RBBP4: variants seen among roughly 807,000 people sequenced by gnomAD.
RBBP4 encodes RB binding protein 4, chromatin remodeling factor.
In RBBP4, 3 loss-of-function variants were observed where a neutral mutation model predicts 57.2. The observed-to-expected ratio is 0.05, with a 90% CI of 0.02 to 0.14. The LOEUF (loss-of-function observed/expected upper bound fraction) is 0.14, where lower values mean the gene tolerates loss of function less well. Among genes scored for constraint, RBBP4 ranks in the 10% least tolerant of loss-of-function variants. The pLI is 1.00. For synonymous variants in RBBP4, 151 were observed against 171.5 expected (o/e 0.88, Z 0.93); for missense variants, 107 against 520.6 (o/e 0.21, Z 7.73).
At chr1:32,675,800 A>T (rs1321197002) in intron 11 of RBBP4, among the ~76,000 whole-genome samples, 1 of 152,030 alleles carries the variant, frequency 6.6e-6, no homozygotes, top group African/African-American at 2.4e-5. Flanking sequence ...TTTAAAAAGT[A>T]TGATTAGGGG....
chr1:32,655,070 G>A (rs1398783298), intron 2 of RBBP4, among the ~76,000 whole-genome samples: 1 of 152,112 alleles, frequency 6.6e-6, no homozygotes, highest in East Asian at 1.9e-4. Context: ...GTTCCCTGCA[G>A]CCTTGACCTC....
chr1:32,672,292 A>G (rs1648912367), intron 8 of RBBP4, among the ~76,000 whole-genome samples, 158 bp from the exon 9 acceptor site: 2 of 152,132 alleles, frequency 1.3e-5, no homozygotes, highest in African/African-American at 4.8e-5. Flanking sequence ...CCCATAAAAT[A>G]AATTCTTTAG....
At chr1:32,664,842 TA>T in intron 3 of RBBP4, among the ~76,000 whole-genome samples, 1 of 152,310 alleles carries the variant, frequency 6.6e-6, no homozygotes, top group Non-Finnish European at 1.5e-5. Context: ...ATCACTGCAG[TA>T]AAGCAAATAT....
In RBBP4 at chr1:32,680,660, G is replaced by C. The variant is rs1304109029; in HGVS notation, c.*955G>C. On this transcript the variant is annotated 3_prime_UTR_variant, in exon 12 of 12. Coordinates refer to ENST00000373493, the MANE Select transcript of RBBP4 (RefSeq NM_005610.3). ...AAATTGCTTTTCTACATAACCCCAT[G>C]CTGATGGGTTTTATTTAGTATAAAA... 1.0e-6 allele frequency: 1 copy of C among 981,110 alleles called. No homozygotes were observed. Among genetic ancestry groups the C allele is most frequent in the East Asian group, 2.7e-5 (1 of 37,310 alleles). 60.8% of individuals were successfully genotyped at this position (981,110 alleles called of 1,614,324 possible).
At position 32,669,152 on chromosome 1, in the gene RBBP4, A is replaced by T. The variant is rs201750273; in HGVS notation, c.761+20A>T. On this transcript the variant is annotated intron_variant, in intron 6 of 11. Coordinates refer to ENST00000373493, the MANE Select transcript of RBBP4 (RefSeq NM_005610.3). This position sits in a 1 kb window ranked among gnomAD's most constrained non-coding sequence, Gnocchi z 4.9. ...TATGATGTGAGTAGAATCCATTCAG[A>T]GTTTCTAAATATCTTGTCTAAGTTT... The T allele has an allele frequency of 6.2e-7, 1 of 1,613,056 alleles. No individual in the cohort carries two copies. The highest frequency in any genetic ancestry group is 1.3e-5 in the African/African-American group (1 of 74,908).
At chr1:32,657,617 T>C (rs1648199349) in intron 3 of RBBP4, 45 bp downstream of exon 3, 2 of 1,591,200 alleles carry the variant, frequency 1.3e-6, no homozygotes, top group Non-Finnish European at 1.7e-6. Context: ...GTGGGTCATA[T>C]CTGTTATGTG....
At chr1:32,653,637 G>GTTTTTTTT (rs1053666893) in intron 2 of RBBP4, among the ~76,000 whole-genome samples, 3 of 20,776 alleles carry the variant, frequency 1.4e-4, no homozygotes, top group African/African-American at 1.6e-4. Flanking sequence ...TTGTTTTCTG[G>GTTTTTTTT]TTTTTTTTTT....
intron 11 of RBBP4, among the ~76,000 whole-genome samples, chr1:32,677,476 A>AAAC (rs1007734086): frequency 2.0e-5 from 3 of 149,642 alleles, no homozygotes; most frequent in African/African-American, 7.3e-5. Flanking sequence ...TATTTAAAAA[A>AAAC]AAAAACAAAA....
intron 11 of RBBP4, among the ~76,000 whole-genome samples, chr1:32,674,107 A>G (rs569748365): frequency 1.3e-5 from 2 of 152,280 alleles, no homozygotes; most frequent in East Asian, 1.9e-4. Flanking sequence ...TCTCAATTAA[A>G]ATATATATAT....
chr1:32,676,625 A>G (rs540551022), intron 11 of RBBP4, among the ~76,000 whole-genome samples: 21 of 33,840 alleles, frequency 6.2e-4, no homozygotes, highest in South Asian at 2.0e-3. Flanking sequence ...AAAAAAAAAA[A>G]AAAGAAAAAG....
chr1:32,684,012 T>C lies in RBBP4; in HGVS notation c.*4307T>C. 6.2e-7 allele frequency: 1 copy of C among 1,613,928 alleles called. No individual in the cohort carries two copies. The highest frequency in any genetic ancestry group is 8.5e-7 in the Non-Finnish European group (1 of 1,179,784). On this transcript the variant is annotated 3_prime_UTR_variant, in exon 12 of 12. Coordinates refer to ENST00000373493, the MANE Select transcript of RBBP4 (RefSeq NM_005610.3). ...ACTCTTCTCTTCACAAAGATCACCT[T>C]GAGACTGTGTCTCCATTCCACCTGC...
chr1:32,678,239 CCT>C (rs1038330412), intron 11 of RBBP4, among the ~76,000 whole-genome samples: 4 of 152,088 alleles, frequency 2.6e-5, no homozygotes, highest in Non-Finnish European at 4.4e-5. Context: ...GTTTTGGACC[CCT>C]GTTTTTTTTA....
intron 3 of RBBP4, among the ~76,000 whole-genome samples, chr1:32,658,577 C>T (rs563284618): frequency 9.0e-5 from 13 of 144,190 alleles, no homozygotes; most frequent in East Asian, 6.1e-4. Flanking sequence ...GATGGAGTCT[C>T]GCTCTGCTGC....
intron 3 of RBBP4, among the ~76,000 whole-genome samples, chr1:32,664,477 G>C (rs1252778908): frequency 6.6e-6 from 1 of 152,022 alleles, no homozygotes; most frequent in Non-Finnish European, 1.5e-5. Context: ...TTTTGAGACA[G>C]AGTCTCACTC....
intron 2 of RBBP4, among the ~76,000 whole-genome samples, chr1:32,656,238 A>G (rs1284240144): frequency 1.3e-5 from 2 of 152,118 alleles, no homozygotes; most frequent in Non-Finnish European, 2.9e-5. Context: ...TCTGTCACCC[A>G]GGCTGGAGTG....
chr1:32,677,771 T>A (rs970520279), intron 11 of RBBP4, among the ~76,000 whole-genome samples: 1 of 152,164 alleles, frequency 6.6e-6, no homozygotes, highest in African/African-American at 2.4e-5. Context: ...AGAAGTAACG[T>A]CAGAAAGCAT....
In RBBP4 at chr1:32,680,151, C is replaced by T. The variant is rs1423350502; in HGVS notation, c.*446C>T. 2 of 1,076,276 alleles carry T rather than the reference C, an allele frequency of 1.9e-6. No homozygotes were observed. Among genetic ancestry groups the T allele is most frequent in the Non-Finnish European group, 2.2e-6 (2 of 891,252 alleles). 66.7% of individuals were successfully genotyped at this position (1,076,276 alleles called of 1,614,324 possible). ...GGGGAGATTCAAGTCATATAGATTC[C>T]TACTCGAAAATCTTGACACCTGACT... On this transcript the variant is annotated 3_prime_UTR_variant, in exon 12 of 12. Transcript: ENST00000373493.
intron 11 of RBBP4, 46 bp downstream of exon 11, chr1:32,672,947 A>G (rs760291368): frequency 6.4e-6 from 9 of 1,400,382 alleles, no homozygotes; most frequent in Non-Finnish European, 9.1e-6. Flanking sequence ...TAAGTGAGAC[A>G]TAGAATCAAT....
At chr1:32,653,637 GTTTTT>G (rs1053666893) in intron 2 of RBBP4, among the ~76,000 whole-genome samples, 437 of 20,784 alleles carry the variant, frequency 0.021, 31 homozygotes, top group African/African-American at 0.028. Context: ...TTGTTTTCTG[GTTTTT>G]TTTTTTTTTT....
Sources: allele counts gnomAD v4.1 joint callset (sites outside exome capture counted in the v4.1 genomes callset), GRCh38; gene constraint gnomAD v4.1.1; non-coding constraint Gnocchi (gnomAD v3.1); transcripts MANE v1.5; gene names NCBI Gene and HGNC (gene_info 2026-07-23, HGNC 2026-07-21).